RUNX1: variants seen among roughly 807,000 people sequenced by gnomAD.
RUNX1 encodes the protein runt-related transcription factor 1.
Under a neutral mutation model 42.8 loss-of-function variants are expected in RUNX1, and 19 were observed. The observed-to-expected ratio is 0.44, with a 90% CI of 0.31 to 0.65. RUNX1 has a LOEUF of 0.65. Ranked by LOEUF, RUNX1 falls within the 30% of genes least tolerant of loss-of-function variation. The pLI is 0.07. For missense variants in RUNX1, 528 were observed against 672.0 expected (o/e 0.79, Z 2.37); for synonymous variants, 271 against 289.4 (o/e 0.94, Z 0.64).
rs1252768244 is a variant in RUNX1, at chr21:34,799,331, G to C, written c.937C>G (p.Leu313Val). ...SPGRASGMTT[L>V]SAELSSRLST... ...AGTCGACTGGAAAGTTCTGCAGAGA[G>C]GGTTGTCATGCCGCTGGCACGTCCA... The change falls in exon 8 of 9, where the codon CTC becomes GTC. Residue 313 changes from leucine (L) to valine (V), a missense_variant. Leu to Val is a conservative substitution (Grantham distance 32, BLOSUM62 1). This residue lies in a region of RUNX1 where 331 missense variants were observed against 382.5 expected (regional missense o/e 0.87). Transcript: ENST00000675419. 1 of 1,614,212 alleles carries C rather than the reference G, an allele frequency of 6.2e-7. No individual in the cohort carries two copies. Among genetic ancestry groups the C allele is most frequent in the South Asian group, 1.1e-5 (1 of 91,084 alleles).
At chr21:34,898,671 C>T (rs545497806) in intron 2 of RUNX1, among the ~76,000 whole-genome samples, 15 of 152,314 alleles carry the variant, frequency 9.8e-5, no homozygotes, top group African/African-American at 3.6e-4. Context: ...CACAAACGCA[C>T]CAGTGGATTG....
chr21:35,030,075 G>A (rs1972951993), intron 2 of RUNX1, among the ~76,000 whole-genome samples: 1 of 152,206 alleles, frequency 6.6e-6, no homozygotes, highest in South Asian at 2.1e-4. Flanking sequence ...CGGGTGCGGT[G>A]GCTCACGCCT....
intron 6 of RUNX1, among the ~76,000 whole-genome samples, chr21:34,850,643 T>C (rs2057404565): frequency 6.6e-6 from 1 of 152,184 alleles, no homozygotes; most frequent in African/African-American, 2.4e-5. Flanking sequence ...AAGTGCAACA[T>C]TTGGGGGCAA....
At chr21:34,849,465 ATATATATAATATATAT>A (rs1166390811) in intron 6 of RUNX1, among the ~76,000 whole-genome samples, 191 of 46,944 alleles carry the variant, frequency 4.1e-3, no homozygotes, top group African/African-American at 0.012. Flanking sequence ...AATATATAGT[ATATATATAATATATAT>A]TATATATATA....
In RUNX1 at chr21:34,829,935, A is replaced by C. The variant is rs546974399; in HGVS notation, c.805+4475T>G. 2.0e-5 allele frequency: 3 copies of C among 152,370 alleles called. No individual in the cohort carries two copies. The East Asian group carries it at 5.8e-4, about 29-fold the overall frequency. 9.4% of individuals were successfully genotyped at this position (152,370 alleles called of 1,614,324 possible). On this transcript the variant is annotated intron_variant, in intron 7 of 8. Coordinates refer to ENST00000675419, the MANE Select transcript of RUNX1 (RefSeq NM_001754.5). ...TTCCTTTTGTCTATCCAGATGATAA[A>C]GAGAGAATCAGACGGACTTAAATAA...
chr21:34,994,416 A>G (rs1445650573), intron 2 of RUNX1, among the ~76,000 whole-genome samples: 1 of 152,168 alleles, frequency 6.6e-6, no homozygotes, highest in African/African-American at 2.4e-5. Context: ...GTATAATTGG[A>G]TTGTTTATAA....
In RUNX1 at chr21:34,792,757, G is replaced by T; in HGVS notation, c.968-147C>A. On this transcript the variant is annotated intron_variant, in intron 8 of 8. Coordinates refer to ENST00000675419, the MANE Select transcript of RUNX1 (RefSeq NM_001754.5). This position sits in a 1 kb window ranked among gnomAD's most constrained non-coding sequence, Gnocchi z 6.9. ...GGATGCTACTGCTGGGGAGGACGGG[G>T]ACCACCCGGGATGCTACTCCCAAGA... 1 of 768,722 alleles carries T rather than the reference G, an allele frequency of 1.3e-6. No homozygotes were observed. Among genetic ancestry groups the T allele is most frequent in the Non-Finnish European group, 2.0e-6 (1 of 490,090 alleles). The allele number at this position is 768,722 out of a possible 1,614,324, so 47.6% of individuals were successfully genotyped here.
At chr21:34,870,239 T>C (rs541222990) in intron 5 of RUNX1, among the ~76,000 whole-genome samples, 24 of 152,340 alleles carry the variant, frequency 1.6e-4, no homozygotes, top group Non-Finnish European at 2.5e-4. Context: ...GAGTCCCCAT[T>C]GTCTGCCCCA....
intron 4 of RUNX1, 103 bp from the exon 5 acceptor site, chr21:34,880,816 G>T (rs1601516501): frequency 1.1e-5 from 13 of 1,215,500 alleles, no homozygotes; most frequent in Middle Eastern, 1.9e-4. Flanking sequence ...TATATTCAAT[G>T]ATTTCTTTTT....
At chr21:34,972,557 AC>A (rs1342775176) in intron 2 of RUNX1, among the ~76,000 whole-genome samples, 2 of 152,230 alleles carry the variant, frequency 1.3e-5, no homozygotes, top group African/African-American at 4.8e-5. Context: ...ATCATATGTT[AC>A]CATCACTAAA....
intron 3 of RUNX1, among the ~76,000 whole-genome samples, chr21:34,890,826 G>GCGGGTT (rs2058073315): frequency 6.8e-6 from 1 of 146,940 alleles, no homozygotes; most frequent in African/African-American, 2.5e-5. Flanking sequence ...GCCTTTGCCT[G>GCGGGTT]CGGGTTCGGA....
chr21:34,818,420 C>T (rs2056862221), intron 7 of RUNX1, among the ~76,000 whole-genome samples: 1 of 152,178 alleles, frequency 6.6e-6, no homozygotes, highest in Admixed American at 6.5e-5. Context: ...CAGCTGACCC[C>T]AGCATTTCCC....
intron 2 of RUNX1, among the ~76,000 whole-genome samples, chr21:34,916,520 A>C (rs1028197696): frequency 2.0e-5 from 3 of 152,194 alleles, no homozygotes; most frequent in African/African-American, 7.2e-5. Context: ...CAGAGGTATA[A>C]GGCAAGTGTT....
At chr21:34,978,941 C>CACACAA (rs1464355680) in intron 2 of RUNX1, among the ~76,000 whole-genome samples, 1 of 146,644 alleles carries the variant, frequency 6.8e-6, no homozygotes, top group East Asian at 2.0e-4. Context: ...CACAGATACA[C>CACACAA]ACACACACAC....
intron 2 of RUNX1, among the ~76,000 whole-genome samples, chr21:34,946,712 C>T (rs1197461655): frequency 6.6e-6 from 1 of 152,126 alleles, no homozygotes; most frequent in East Asian, 1.9e-4. Flanking sequence ...CAAGAGCTTC[C>T]TGGGTCAGGG....
intron 5 of RUNX1, among the ~76,000 whole-genome samples, chr21:34,871,723 C>T (rs1053903677): frequency 1.3e-5 from 2 of 152,188 alleles, no homozygotes; most frequent in African/African-American, 4.8e-5. Flanking sequence ...ACCCACAAAC[C>T]TTGGTCCTGT....
chr21:34,867,721 G>T (rs1428903538), intron 5 of RUNX1, among the ~76,000 whole-genome samples: 1 of 151,910 alleles, frequency 6.6e-6, no homozygotes, highest in Non-Finnish European at 1.5e-5. Context: ...TTTTCCTTTT[G>T]ATACCACAGT....
chr21:34,944,551 T>C (rs991933425), intron 2 of RUNX1, among the ~76,000 whole-genome samples: 1 of 152,202 alleles, frequency 6.6e-6, no homozygotes, highest in Non-Finnish European at 1.5e-5. Flanking sequence ...GTTGGCCTCA[T>C]GTGAGTGCTT....
At chr21:35,002,603 T>C (rs1351140714) in intron 2 of RUNX1, among the ~76,000 whole-genome samples, 1 of 151,884 alleles carries the variant, frequency 6.6e-6, no homozygotes, top group Non-Finnish European at 1.5e-5. Context: ...AATTTTTGTA[T>C]TTTTAGTAGA....
Sources: allele counts gnomAD v4.1 joint callset (sites outside exome capture counted in the v4.1 genomes callset), GRCh38; gene constraint gnomAD v4.1.1; regional missense constraint gnomAD v4.1.1; non-coding constraint Gnocchi (gnomAD v3.1); transcripts MANE v1.5; gene names NCBI Gene and HGNC (gene_info 2026-07-23, HGNC 2026-07-21).